Variants in DIS3L2 observed in about 807,000 individuals in gnomAD.
DIS3L2 encodes the protein DIS3-like exonuclease 2.
DIS3L2 carries 34 observed loss-of-function variants against 97.5 expected under a neutral mutation model. The observed-to-expected ratio is 0.35, with a 90% confidence interval of 0.27 to 0.46. The LOEUF is 0.46. Among genes scored for constraint, DIS3L2 ranks in the 20% least tolerant of loss-of-function variants. The pLI is 1.00. For missense variants in DIS3L2, 1,038 were observed against 1,146.0 expected (o/e 0.91, Z 1.36); for synonymous variants, 435 against 445.2 (o/e 0.98, Z 0.29).
intron 14 of DIS3L2, among the ~76,000 whole-genome samples, chr2:232,313,129 T>C (rs1575011906): frequency 6.6e-6 from 1 of 152,342 alleles, no homozygotes; most frequent in African/African-American, 2.4e-5. Context: ...ACAGTATTTC[T>C]GGACATAATA....
rs1694645306 is a variant in DIS3L2, at chr2:232,293,178, C to T, written c.1660-6862C>T. Reference sequence around the variant, plus strand: ...CATTGTTGAGGGAAGGAGCTTGTGCCTCTTGAGGGTGCTGACAAGATGGCA... The same window carrying T: ...CATTGTTGAGGGAAGGAGCTTGTGCTTCTTGAGGGTGCTGACAAGATGGCA... On this transcript the variant is annotated intron_variant, in intron 13 of 20. Coordinates refer to ENST00000325385, the MANE Select transcript of DIS3L2 (RefSeq NM_152383.5). The surrounding 1 kb of genome is among the most constrained non-coding windows in gnomAD (Gnocchi z 4.6). Among the ~76,000 whole-genome samples the T allele has an allele frequency of 6.6e-6, 1 of 152,064 alleles. No homozygotes were observed. Among genetic ancestry groups the T allele is most frequent in the African/African-American group, 2.4e-5 (1 of 41,374 alleles).
intron 1 of DIS3L2, among the ~76,000 whole-genome samples, chr2:232,006,252 G>A (rs1694050039): frequency 6.6e-6 from 1 of 152,200 alleles, no homozygotes; most frequent in South Asian, 2.1e-4. Context: ...TAGGTGAAAC[G>A]TGGAGTGAAG....
At chr2:232,090,731 G>A (rs1368493630) in intron 6 of DIS3L2, among the ~76,000 whole-genome samples, 1 of 152,186 alleles carries the variant, frequency 6.6e-6, no homozygotes, top group African/African-American at 2.4e-5. Flanking sequence ...TATTAATCCT[G>A]GTTCATGCTT....
intron 7 of DIS3L2, 126 bp downstream of exon 7, chr2:232,130,845 C>A: frequency 7.2e-6 from 9 of 1,247,500 alleles, no homozygotes; most frequent in South Asian, 2.4e-5. Flanking sequence ...AGCAGAGAAT[C>A]ATAAAAAGTG....
chr2:232,237,824 G>A (rs1323090847), intron 10 of DIS3L2, among the ~76,000 whole-genome samples: 1 of 152,126 alleles, frequency 6.6e-6, no homozygotes, highest in Non-Finnish European at 1.5e-5. Flanking sequence ...GGCAGATCCT[G>A]TTAAGACTAT....
chr2:232,011,912 A>G (rs940690982), intron 1 of DIS3L2, among the ~76,000 whole-genome samples: 1 of 152,078 alleles, frequency 6.6e-6, no homozygotes, highest in African/African-American at 2.4e-5. Flanking sequence ...TGGCCTCCCA[A>G]AGTGTTAGGA....
At chr2:231,994,067 G>T (rs1490381456) in intron 1 of DIS3L2, among the ~76,000 whole-genome samples, 1 of 146,696 alleles carries the variant, frequency 6.8e-6, no homozygotes, top group African/African-American at 2.5e-5. Context: ...CAAAGGTCAA[G>T]ATTTTTTGTT....
intron 6 of DIS3L2, among the ~76,000 whole-genome samples, chr2:232,107,681 C>T (rs180972300): frequency 2.4e-4 from 37 of 152,050 alleles, no homozygotes; most frequent in Middle Eastern, 3.4e-3. Context: ...CCTGGGCAGG[C>T]GACAGAGCGA....
intron 9 of DIS3L2, among the ~76,000 whole-genome samples, chr2:232,200,683 G>C (rs1474615979): frequency 6.6e-6 from 1 of 151,312 alleles, no homozygotes; most frequent in Non-Finnish European, 1.5e-5. Flanking sequence ...AAATGTAGGA[G>C]ATATTATAGG....
At chr2:232,247,845 A>G (rs112627912) in intron 11 of DIS3L2, among the ~76,000 whole-genome samples, 2 of 152,264 alleles carry the variant, frequency 1.3e-5, no homozygotes, top group East Asian at 1.9e-4. Flanking sequence ...GCATCACAAA[A>G]TAAGTTAGCA....
chr2:232,110,547 G>A (rs1046666803), intron 6 of DIS3L2, among the ~76,000 whole-genome samples: 3 of 152,212 alleles, frequency 2.0e-5, no homozygotes, highest in Non-Finnish European at 2.9e-5. Flanking sequence ...GTCCTTTGCA[G>A]AGATGTGGAT....
chr2:232,334,683 C>G lies in DIS3L2; in HGVS notation c.2342C>G (p.Ala781Gly), dbSNP rs1258800876. Residue 781 changes from alanine to glycine, a missense_variant, in exon 19 of 21, where the codon GCC becomes GGC. Physicochemically the swap from Ala to Gly is moderately conservative, Grantham distance 60 (BLOSUM62 0). Transcript: ENST00000325385. ...ATGGTGATGGGCATCCTGAAGCAAG[C>G]CTTCGACGTGCTGGTGCTGCGCTAC... is the stretch of plus-strand genomic sequence containing the variant. ...EAMVMGILKQAFDVLVLRYGV... is the reference protein window; with the variant it reads ...EAMVMGILKQGFDVLVLRYGV... The G allele has an allele frequency of 3.7e-6, 6 of 1,610,936 alleles. No individual in the cohort carries two copies. Among genetic ancestry groups the G allele is most frequent in the Non-Finnish European group, 5.1e-6 (6 of 1,178,864 alleles).
chr2:232,085,645 T>C (rs560018503), intron 5 of DIS3L2, among the ~76,000 whole-genome samples: 2 of 152,266 alleles, frequency 1.3e-5, no homozygotes, highest in Admixed American at 6.5e-5. Context: ...ATCTGCTGCT[T>C]TTTTGCTAAT....
At chr2:232,250,626 G>T (rs575406618) in intron 12 of DIS3L2, among the ~76,000 whole-genome samples, 2 of 152,252 alleles carry the variant, frequency 1.3e-5, no homozygotes, top group East Asian at 1.9e-4. Context: ...TTTAAAAATT[G>T]CCCCTCCTAT....
intron 10 of DIS3L2, among the ~76,000 whole-genome samples, chr2:232,216,740 T>C (rs921665507): frequency 1.3e-5 from 2 of 151,442 alleles, no homozygotes; most frequent in East Asian, 3.9e-4. Flanking sequence ...ATGAGAAGAG[T>C]TGATCGTTTT....
At chr2:232,080,794 G>A (rs999961503) in intron 5 of DIS3L2, among the ~76,000 whole-genome samples, 8 of 151,462 alleles carry the variant, frequency 5.3e-5, no homozygotes, top group Non-Finnish European at 1.0e-4. Flanking sequence ...CCAACTACTT[G>A]GGAGGCTGAA....
rs760123810 is a variant in DIS3L2 at position 232,163,604 on chromosome 2, G to C, written c.1096G>C (p.Glu366Gln). Reference sequence around the variant, plus strand: ...AGGCCTGCCATGGACAATTCCACCAGAGGAGTTCAGCAAGAGAAGGGATTT... The same window carrying C: ...AGGCCTGCCATGGACAATTCCACCACAGGAGTTCAGCAAGAGAAGGGATTT... ...PQGLPWTIPP[E>Q]EFSKRRDLRK... The change falls in exon 9 of 21, where the codon GAG becomes CAG. Residue 366 changes from glutamate (E) to glutamine (Q), a missense_variant. Coordinates refer to ENST00000325385, the MANE Select transcript of DIS3L2 (RefSeq NM_152383.5). The C allele has an allele frequency of 6.2e-7, 1 of 1,613,870 alleles. No homozygotes were observed. Among genetic ancestry groups the C allele is most frequent in the Non-Finnish European group, 8.5e-7 (1 of 1,179,998 alleles).
At chr2:232,333,099 TTCC>T (rs1481182055) in intron 16 of DIS3L2, among the ~76,000 whole-genome samples, 1 of 147,380 alleles carries the variant, frequency 6.8e-6, no homozygotes, top group Admixed American at 6.7e-5. Context: ...CCTCCTCCTC[TTCC>T]TCCTCCTCAT....
At chr2:232,060,950 T>C (rs1209836688) in intron 5 of DIS3L2, among the ~76,000 whole-genome samples, 1 of 152,232 alleles carries the variant, frequency 6.6e-6, no homozygotes, top group Admixed American at 6.5e-5. Context: ...TGATTTATTT[T>C]TCAGATTGTT....
Sources: gnomAD v4.1 joint callset for allele counts (sites outside exome capture counted in the v4.1 genomes callset) on GRCh38, gnomAD v4.1.1 for gene constraint, Gnocchi (gnomAD v3.1) non-coding constraint, MANE v1.5 for transcripts, NCBI Gene and HGNC (gene_info 2026-07-23, HGNC 2026-07-21) for gene names.